Variants in RPH3A observed in about 807,000 individuals in gnomAD.
RPH3A encodes the protein rabphilin 3A, also known as rabphilin-3A.
RPH3A carries 48 observed loss-of-function variants against 102.2 expected under a neutral mutation model. That is an observed-to-expected ratio of 0.47 (90% confidence interval 0.37 to 0.60). RPH3A has a LOEUF of 0.60. Ranked by LOEUF, RPH3A falls within the 20% of genes least tolerant of loss-of-function variation. The pLI is 0.00. For missense variants in RPH3A, 781 were observed against 910.1 expected (o/e 0.86, Z 1.83); for synonymous variants, 310 against 324.3 (o/e 0.96, Z 0.47).
chr12:112,864,615 T>G lies in RPH3A; in HGVS notation c.231-799T>G, dbSNP rs550860684. On this transcript the variant is annotated intron_variant, in intron 5 of 21. Transcript: ENST00000389385. ...CAGAACTGAAACTGAAAGATCAGTG[T>G]AACTAGAGCAATGATTCTCAAAACC... Among the ~76,000 whole-genome samples, 3 of 152,324 alleles carry G rather than the reference T, an allele frequency of 2.0e-5. No individual in the cohort carries two copies. In the East Asian group the frequency reaches 5.8e-4, roughly 29 times the overall value.
intron 1 of RPH3A, among the ~76,000 whole-genome samples, chr12:112,727,372 C>A (rs1170497558): frequency 7.7e-6 from 1 of 129,592 alleles, no homozygotes; most frequent in Admixed American, 8.2e-5. Context: ...GCCTGGGCGA[C>A]AGAGCAAGAC....
intron 2 of RPH3A, among the ~76,000 whole-genome samples, chr12:112,811,216 A>G (rs1479765709): frequency 6.6e-6 from 1 of 152,204 alleles, no homozygotes; most frequent in East Asian, 1.9e-4. Context: ...TACTGATTCC[A>G]TTAACAGGCT....
At position 112,694,551 on chromosome 12, in the gene RPH3A, A is replaced by AAG. The variant is rs1055983413; in HGVS notation, c.-139-97576_-139-97575dup. Among the ~76,000 whole-genome samples the AAG allele has an allele frequency of 1.7e-4, 26 of 150,176 alleles. No homozygotes were observed. The East Asian group carries it at 3.1e-3, about 18-fold the overall frequency. ...AAAGGACCAGATGAGGGCGGGGAAAAAGAGAGAGAGAGAGAGACAGAGAGA... is the reference window on the plus strand; with the variant it reads ...AAAGGACCAGATGAGGGCGGGGAAAAAGAGAGAGAGAGAGAGAGACAGAGAGA... On this transcript the variant is annotated intron_variant, in intron 1 of 21. Transcript: ENST00000543106.
chr12:112,860,190 T>C (rs2042483064), intron 5 of RPH3A, among the ~76,000 whole-genome samples: 1 of 152,206 alleles, frequency 6.6e-6, no homozygotes, highest in African/African-American at 2.4e-5. Flanking sequence ...GGGTCTTCCA[T>C]GTTGTGGCTC....
At chr12:112,801,566 C>G (rs890966521) in intron 2 of RPH3A, among the ~76,000 whole-genome samples, 1 of 152,104 alleles carries the variant, frequency 6.6e-6, no homozygotes, top group Non-Finnish European at 1.5e-5. Context: ...GTTGGTGACC[C>G]GGAGGGGGAC....
chr12:112,875,646 C>T, intron 11 of RPH3A, 33 bp from the exon 12 acceptor site: 1 of 1,579,950 alleles, frequency 6.3e-7, no homozygotes, highest in African/African-American at 1.3e-5. Flanking sequence ...ACCCTCTCTG[C>T]TGCATCTCTG....
chr12:112,729,844 A>G (rs1592967985), intron 1 of RPH3A, among the ~76,000 whole-genome samples: 1 of 152,224 alleles, frequency 6.6e-6, no homozygotes, highest in Non-Finnish European at 1.5e-5. Flanking sequence ...TGCCAAATTC[A>G]TAGGCTCAAG....
intron 5 of RPH3A, among the ~76,000 whole-genome samples, chr12:112,853,053 GACAGGA>G (rs1460381122): frequency 1.3e-5 from 2 of 152,160 alleles, no homozygotes; most frequent in African/African-American, 4.8e-5. Context: ...ACTTGTTGTT[GACAGGA>G]TCTGTCACAC....
chr12:112,837,703 T>C (rs575414946), intron 4 of RPH3A: 1 of 455,390 alleles, frequency 2.2e-6, no homozygotes, highest in Admixed American at 2.3e-5. Context: ...TGGAGAGAGA[T>C]GCTGAGTCAT....
At chr12:112,754,175 GA>G (rs1398036000) in intron 1 of RPH3A, among the ~76,000 whole-genome samples, 1 of 152,190 alleles carries the variant, frequency 6.6e-6, no homozygotes, top group Admixed American at 6.5e-5. Context: ...GCAGAAGTAG[GA>G]AATTAATTCA....
chr12:112,733,238 T>A (rs113127728), intron 1 of RPH3A, among the ~76,000 whole-genome samples: 1,854 of 152,126 alleles, frequency 0.012, 39 homozygotes, highest in African/African-American at 0.042. Context: ...TATACACACA[T>A]CTGAACAAAT....
Position 112,651,028 on chromosome 12 carries a change from G to A in RPH3A, c.-140+75709G>A, listed in dbSNP as rs577779354. On this transcript the variant is annotated intron_variant, in intron 1 of 21. Transcript: ENST00000543106. ...TTACAGACATGAGCCATAGCTCCTGGCAACATTTAATTTTTAATACAACTG... is the reference window on the plus strand; with the variant it reads ...TTACAGACATGAGCCATAGCTCCTGACAACATTTAATTTTTAATACAACTG... Among the ~76,000 whole-genome samples, 3 of 151,708 alleles carry A rather than the reference G, an allele frequency of 2.0e-5. No individual in the cohort carries two copies. In the East Asian group the frequency reaches 5.8e-4, roughly 30 times the overall value.
intron 2 of RPH3A, among the ~76,000 whole-genome samples, chr12:112,811,168 A>C (rs1306029253): frequency 6.6e-6 from 1 of 152,146 alleles, no homozygotes; most frequent in Non-Finnish European, 1.5e-5. Context: ...GCCTTGTTTT[A>C]TGTGTGTTTC....
intron 1 of RPH3A, among the ~76,000 whole-genome samples, chr12:112,715,809 G>C (rs2040510011): frequency 6.6e-6 from 1 of 152,180 alleles, no homozygotes; most frequent in African/African-American, 2.4e-5. Flanking sequence ...TAAAGTGAAA[G>C]CAAGTTTACT....
intron 1 of RPH3A, among the ~76,000 whole-genome samples, chr12:112,725,808 G>GTTT (rs1555204854): frequency 7.0e-6 from 1 of 142,644 alleles, no homozygotes; most frequent in Non-Finnish European, 1.5e-5. Context: ...TGTTGTTGTT[G>GTTT]TTTTTGAGAC....
Position 112,715,475 on chromosome 12 carries a change from T to G in RPH3A, c.-139-76668T>G, listed in dbSNP as rs2040506983. The stretch of plus-strand genomic sequence containing the variant: ...CCATAAGAGCCGGGACTCTCACTGT[T>G]TTCTTCTTTATAATATTCCTAGCAT... On this transcript the variant is annotated intron_variant, in intron 1 of 21. Coordinates refer to the RPH3A transcript ENST00000543106. 2.6e-5 allele frequency among the ~76,000 whole-genome samples: 4 copies of G among 152,172 alleles called. No homozygotes were observed. In the South Asian group the frequency reaches 8.3e-4, roughly 32 times the overall value.
intron 1 of RPH3A, among the ~76,000 whole-genome samples, chr12:112,646,505 C>G (rs1315578008): frequency 6.6e-6 from 1 of 152,182 alleles, no homozygotes; most frequent in Non-Finnish European, 1.5e-5. Flanking sequence ...TTCAGGGACC[C>G]TGGAAGGTGT....
At chr12:112,680,476 A>C (rs2040218828) in intron 1 of RPH3A, among the ~76,000 whole-genome samples, 1 of 152,274 alleles carries the variant, frequency 6.6e-6, no homozygotes, top group East Asian at 1.9e-4. Context: ...ACTCCCATTT[A>C]ATAGATGAGG....
At chr12:112,869,854 G>T (rs372578786) in intron 9 of RPH3A, 39 bp from the exon 10 acceptor site, 1 of 1,614,036 alleles carries the variant, frequency 6.2e-7, no homozygotes, top group South Asian at 1.1e-5. Context: ...TAATTCCCTC[G>T]ATGCCCTTTC....
Sources: allele counts gnomAD v4.1 joint callset (sites outside exome capture counted in the v4.1 genomes callset), GRCh38; gene constraint gnomAD v4.1.1; transcripts MANE v1.5; gene names NCBI Gene and HGNC (gene_info 2026-07-23, HGNC 2026-07-21).